Variants in SLC35F3 observed in about 807,000 individuals in gnomAD.
The protein encoded by SLC35F3 is putative thiamine transporter SLC35F3.
SLC35F3 carries 25 observed loss-of-function variants against 49.9 expected under a neutral mutation model. That is an observed-to-expected ratio of 0.50 (90% CI 0.37 to 0.70). The LOEUF is 0.70. Ranked by LOEUF, SLC35F3 falls within the 30% of genes least tolerant of loss-of-function variation. The pLI is 0.00. For missense variants in SLC35F3, 525 were observed against 639.8 expected, an observed-to-expected ratio of 0.82 and a Z score of 1.94; for synonymous variants, 275 against 265.4, an observed-to-expected ratio of 1.04 and a Z score of -0.35.
intron 2 of SLC35F3, among the ~76,000 whole-genome samples, chr1:233,944,827 A>G (rs1662486662): frequency 6.6e-6 from 1 of 151,180 alleles, no homozygotes; most frequent in Non-Finnish European, 1.5e-5. Flanking sequence ...AACCAGCTGC[A>G]AAGTTAATGA....
intron 2 of SLC35F3, among the ~76,000 whole-genome samples, chr1:234,120,745 C>T (rs1403656126): frequency 1.3e-5 from 2 of 152,224 alleles, no homozygotes; most frequent in Non-Finnish European, 2.9e-5. Flanking sequence ...TATGAGTCAC[C>T]GCCATGCCCT....
chr1:234,171,883 G>A (rs1039638135), intron 2 of SLC35F3, among the ~76,000 whole-genome samples: 5 of 152,032 alleles, frequency 3.3e-5, no homozygotes, highest in African/African-American at 1.2e-4. Flanking sequence ...TATATGTACC[G>A]GAACATCACT....
chr1:234,175,011 G>A (rs4920216), intron 2 of SLC35F3, among the ~76,000 whole-genome samples: 88,137 of 152,132 alleles, frequency 0.58, 29,985 homozygotes, highest in East Asian at 0.98. Context: ...TAGCAGACTC[G>A]TAGGCAGATT....
At chr1:234,265,166 A>T (rs1363852230) in intron 3 of SLC35F3, among the ~76,000 whole-genome samples, 1 of 152,140 alleles carries the variant, frequency 6.6e-6, no homozygotes, top group African/African-American at 2.4e-5. Flanking sequence ...AGCCTGTTCA[A>T]CACCTGCCCT....
chr1:234,282,651 C>T (rs189030891), intron 3 of SLC35F3, among the ~76,000 whole-genome samples: 461 of 152,316 alleles, frequency 3.0e-3, no homozygotes, highest in South Asian at 0.011. Flanking sequence ...GTGAGCTGCT[C>T]TCACCCAGTT....
At position 233,968,967 on chromosome 1, in the gene SLC35F3, A is replaced by G. The variant is rs552170969; in HGVS notation, c.283+63209A>G. Among the ~76,000 whole-genome samples, 24 of 152,014 alleles carry G rather than the reference A, an allele frequency of 1.6e-4. No individual in the cohort carries two copies. In the South Asian group the frequency reaches 5.0e-3, roughly 32 times the overall value. On this transcript the variant is annotated intron_variant, in intron 2 of 7. Coordinates refer to ENST00000366618, the MANE Select transcript of SLC35F3 (RefSeq NM_173508.4). ...TTTGCATTAATTGGCCTCTAGCTGC[A>G]TCTGTGTTGTTGCAAAGGACACGAT...
chr1:234,094,011 A>T (rs1350141944), intron 2 of SLC35F3, among the ~76,000 whole-genome samples: 1 of 152,226 alleles, frequency 6.6e-6, no homozygotes, highest in Non-Finnish European at 1.5e-5. Flanking sequence ...CCAGACGGCC[A>T]GGAAGCAGAG....
At position 233,905,675 on chromosome 1, in the gene SLC35F3, C is replaced by G. The variant is rs756231733; in HGVS notation, c.200C>G (p.Pro67Arg). 6.8e-6 allele frequency: 11 copies of G among 1,614,080 alleles called. No homozygotes were observed. Among genetic ancestry groups the G allele is most frequent in the Non-Finnish European group, 2.5e-6 (3 of 1,180,046 alleles). ...SRSVEDLTSG[P>R]VGLTSIEERI... The stretch of plus-strand genomic sequence containing the variant: ...TCCGTGGAGGATCTCACCAGCGGGC[C>G]GGTGGGGCTCACGTCCATCGAGGAG... Residue 67 changes from proline (P) to arginine (R), a missense_variant, in exon 2 of 8, where the codon CCG (proline) becomes CGG (arginine). Physicochemically the swap from Pro to Arg is moderately radical, Grantham distance 103. Coordinates refer to ENST00000366618, the MANE Select transcript of SLC35F3 (RefSeq NM_173508.4).
intron 2 of SLC35F3, among the ~76,000 whole-genome samples, chr1:233,956,669 T>G (rs561105741): frequency 6.6e-6 from 1 of 152,066 alleles, no homozygotes. Flanking sequence ...TTTGAATGGC[T>G]GATGAAGTGT....
intron 2 of SLC35F3, among the ~76,000 whole-genome samples, chr1:233,964,896 G>C (rs1240949700): frequency 6.6e-6 from 1 of 152,178 alleles, no homozygotes; most frequent in African/African-American, 2.4e-5. Flanking sequence ...TAACATCAGA[G>C]GAAACTAGTG....
Position 234,231,175 on chromosome 1 carries a change from C to T in SLC35F3, c.284-242C>T, listed in dbSNP as rs566171345. Among the ~76,000 whole-genome samples the T allele has an allele frequency of 3.9e-5, 6 of 152,342 alleles. No homozygotes were observed. The South Asian group carries it at 1.0e-3, about 26-fold the overall frequency. ...TTCCGGGGACGGACGGGGAAGGGTG[C>T]TGACGCTGCCCGGCCCAGGGACCAC... On this transcript the variant is annotated intron_variant, in intron 2 of 7. Transcript: ENST00000366618. The surrounding 1 kb of genome is among the most constrained non-coding windows in gnomAD (Gnocchi z 5.4).
At chr1:234,035,003 C>A (rs1046082781) in intron 2 of SLC35F3, among the ~76,000 whole-genome samples, 2 of 152,212 alleles carry the variant, frequency 1.3e-5, no homozygotes, top group Non-Finnish European at 2.9e-5. Flanking sequence ...AACATTCCAA[C>A]AAATTTGTCT....
intron 2 of SLC35F3, among the ~76,000 whole-genome samples, chr1:234,143,288 C>CTTT (rs1352256091): frequency 1.3e-4 from 16 of 123,522 alleles, no homozygotes; most frequent in South Asian, 1.1e-3. Context: ...CTTTTCTTTT[C>CTTT]TTTTTTTTTT....
intron 2 of SLC35F3, among the ~76,000 whole-genome samples, chr1:234,227,392 C>CTTTTTTTT (rs369277069): frequency 1.7e-3 from 182 of 108,666 alleles, no homozygotes; most frequent in Non-Finnish European, 2.9e-3. Context: ...CTCTTTCTTT[C>CTTTTTTTT]TTTTTTTTTT....
intron 2 of SLC35F3, among the ~76,000 whole-genome samples, chr1:233,995,256 G>A (rs929459284): frequency 2.0e-5 from 3 of 152,162 alleles, no homozygotes; most frequent in African/African-American, 7.2e-5. Context: ...GAGGACAGAG[G>A]CAGATATATA....
At chr1:234,223,708 C>T (rs1428487515) in intron 2 of SLC35F3, among the ~76,000 whole-genome samples, 1 of 152,186 alleles carries the variant, frequency 6.6e-6, no homozygotes, top group Admixed American at 6.5e-5. Context: ...TTGGTCCATG[C>T]CTTACACCTT....
chr1:234,008,530 C>T (rs1375285330), intron 2 of SLC35F3, among the ~76,000 whole-genome samples: 1 of 152,166 alleles, frequency 6.6e-6, no homozygotes, highest in African/African-American at 2.4e-5. Context: ...TATACAGTCT[C>T]CTTTTTCTGC....
chr1:234,134,207 C>T (rs1413301769), intron 2 of SLC35F3, among the ~76,000 whole-genome samples: 1 of 151,362 alleles, frequency 6.6e-6, no homozygotes, highest in East Asian at 1.9e-4. Flanking sequence ...GTGAACAAAA[C>T]TGACTAAGTT....
chr1:233,982,736 C>T (rs563411504), intron 2 of SLC35F3, among the ~76,000 whole-genome samples: 5 of 152,222 alleles, frequency 3.3e-5, no homozygotes, highest in African/African-American at 4.8e-5. Context: ...TGCAAGGCAC[C>T]GACACAGCAC....
Sources: gnomAD v4.1 joint callset for allele counts (sites outside exome capture counted in the v4.1 genomes callset) on GRCh38, gnomAD v4.1.1 for gene constraint, Gnocchi (gnomAD v3.1) non-coding constraint, MANE v1.5 for transcripts, NCBI Gene and HGNC (gene_info 2026-07-23, HGNC 2026-07-21) for gene names.